PLEKHA6: variants seen among roughly 807,000 people sequenced by gnomAD.
PLEKHA6 encodes pleckstrin homology domain-containing family A member 6.
A neutral mutation model predicts 116.7 loss-of-function variants in PLEKHA6; 60 were observed. The ratio of observed to expected loss-of-function variants is 0.51; its 90% CI spans 0.42 to 0.64. PLEKHA6 has a LOEUF of 0.64. Among genes scored for constraint, PLEKHA6 ranks in the 30% least tolerant of loss-of-function variants. The pLI is 0.00. For synonymous variants in PLEKHA6, 489 were observed against 556.1 expected (o/e 0.88, Z 1.70); for missense variants, 1,338 against 1,422.7 (o/e 0.94, Z 0.96).
At chr1:204,311,775 G>T in intron 1 of PLEKHA6, 1 of 581,646 alleles carries the variant, frequency 1.7e-6, no homozygotes, top group Non-Finnish European at 2.2e-6. Flanking sequence ...ACACTCTAAA[G>T]GGAATCATTT....
intron 1 of PLEKHA6, among the ~76,000 whole-genome samples, chr1:204,314,271 C>A (rs1671769338): frequency 1.3e-5 from 2 of 152,172 alleles, no homozygotes; most frequent in Admixed American, 6.5e-5. Context: ...GTCTCAGAGT[C>A]CTGTTGTCTG....
intron 1 of PLEKHA6, among the ~76,000 whole-genome samples, chr1:204,279,915 T>C (rs1000368302): frequency 6.6e-6 from 1 of 152,204 alleles, no homozygotes; most frequent in Non-Finnish European, 1.5e-5. Context: ...ACTTGCAAGA[T>C]ATAGACCATT....
intron 5 of PLEKHA6, among the ~76,000 whole-genome samples, chr1:204,266,218 G>A (rs963247465): frequency 6.6e-6 from 1 of 152,150 alleles, no homozygotes; most frequent in Non-Finnish European, 1.5e-5. Context: ...GAGGCACTTG[G>A]GGTTGGACCC....
chr1:204,357,468 CTT>C (rs924623415), intron 1 of PLEKHA6, among the ~76,000 whole-genome samples: 1 of 152,186 alleles, frequency 6.6e-6, no homozygotes, highest in Non-Finnish European at 1.5e-5. Flanking sequence ...AAAATATAGT[CTT>C]TTTTTCCTCT....
At chr1:204,346,808 G>C (rs1259469220) in intron 1 of PLEKHA6, 2 of 1,239,846 alleles carry the variant, frequency 1.6e-6, no homozygotes, top group Non-Finnish European at 2.4e-6. Context: ...ATAGGTTCCA[G>C]CAGCTCAGGC....
At chr1:204,377,005 G>A (rs1190894986) in intron 1 of PLEKHA6, among the ~76,000 whole-genome samples, 4 of 152,156 alleles carry the variant, frequency 2.6e-5, no homozygotes, top group Non-Finnish European at 5.9e-5. Flanking sequence ...AGTAGCAAAG[G>A]CGCGCTCTCT....
chr1:204,331,740 G>T (rs1397912673), intron 1 of PLEKHA6, among the ~76,000 whole-genome samples: 1 of 152,214 alleles, frequency 6.6e-6, no homozygotes, highest in Admixed American at 6.5e-5. Context: ...ACTGTAAGGA[G>T]TGAGGGAAGA....
chr1:204,259,506 G>T lies in PLEKHA6; in HGVS notation c.759C>A (p.Tyr253Ter). The T allele has an allele frequency of 6.2e-7, 1 of 1,614,134 alleles. No homozygotes were observed. Among genetic ancestry groups the T allele is most frequent in the Non-Finnish European group, 8.5e-7 (1 of 1,179,984 alleles). The change falls in exon 8 of 23, where the codon TAC becomes TAA. Residue 253 changes from tyrosine (Y) to a stop codon, truncating the protein, a stop_gained. Transcript: ENST00000272203. LOFTEE classifies it high-confidence loss of function. The surrounding 1 kb of genome is among the most constrained non-coding windows in gnomAD (Gnocchi z 4.6). ...CCCCTGGCACTCTTGGGCCCTCGGG[G>T]TAAGGGCTGCCCGGCTCTGAGGCTG... The part of the protein sequence containing the change: ...PEPASEPGSP[Y>*]PEGPRVPGGG...
chr1:204,241,936 G>A (rs1301299967), intron 15 of PLEKHA6, 122 bp from the exon 16 acceptor site: 1 of 1,087,162 alleles, frequency 9.2e-7, no homozygotes, highest in African/African-American at 1.5e-5. Flanking sequence ...AAGGAACAAG[G>A]AAATTCTATG....
intron 6 of PLEKHA6, among the ~76,000 whole-genome samples, chr1:204,263,570 G>A (rs182149210): frequency 1.8e-4 from 27 of 152,256 alleles, no homozygotes; most frequent in Middle Eastern, 3.4e-3. Context: ...GGAAGGAGGC[G>A]AGGGGCTGGT....
At chr1:204,247,515 C>T (rs1281850719) in intron 12 of PLEKHA6, 55 bp from the exon 13 acceptor site, 2 of 1,178,500 alleles carry the variant, frequency 1.7e-6, no homozygotes, top group South Asian at 1.2e-5. Flanking sequence ...GGCATTCCTC[C>T]TTATCCTGCA....
intron 1 of PLEKHA6, among the ~76,000 whole-genome samples, chr1:204,282,138 C>T (rs1226118997): frequency 6.6e-6 from 1 of 152,102 alleles, no homozygotes; most frequent in Non-Finnish European, 1.5e-5. Context: ...TCCCTTATTC[C>T]TATGAGAGGA....
intron 1 of PLEKHA6, among the ~76,000 whole-genome samples, chr1:204,376,131 C>T (rs1313431291): frequency 6.6e-6 from 1 of 152,162 alleles, no homozygotes; most frequent in Non-Finnish European, 1.5e-5. Context: ...TCTCCAGTGC[C>T]TAGCACTGCA....
At position 204,261,304 on chromosome 1, in the gene PLEKHA6, A is replaced by C; in HGVS notation, c.524+2T>G. 1 of 1,613,736 alleles carries C rather than the reference A, an allele frequency of 6.2e-7. No homozygotes were observed. The highest frequency in any genetic ancestry group is 8.5e-7 in the Non-Finnish European group (1 of 1,179,874). On this transcript the variant is annotated splice_donor_variant, in intron 7 of 22. Transcript: ENST00000272203. LOFTEE classifies it high-confidence loss of function. The surrounding 1 kb of genome is among the most constrained non-coding windows in gnomAD (Gnocchi z 4.0). Reference sequence around the variant, plus strand: ...CCCCACACTCAATTCCCTGGCACTCACCTGTGCCGCACAGCTTGGGGCACT... The same window carrying C: ...CCCCACACTCAATTCCCTGGCACTCCCCTGTGCCGCACAGCTTGGGGCACT...
rs556814544 is a variant in PLEKHA6, at chr1:204,259,433, T to A, written c.832A>T (p.Ser278Cys). The A allele has an allele frequency of 6.2e-7, 1 of 1,614,240 alleles. No homozygotes were observed. The highest frequency in any genetic ancestry group is 2.2e-5 in the East Asian group (1 of 44,886). The change falls in exon 8 of 23, where the codon AGC becomes TGC. Residue 278 changes from serine (S) to cysteine (C), a missense_variant. By Grantham distance (112) the Ser-to-Cys change is moderately radical. Around this residue, in one of 3 missense-constraint regions of PLEKHA6, gnomAD observed 1,136 missense variants for 1,163.6 expected, o/e 0.98. Transcript: ENST00000272203. The surrounding 1 kb of genome is among the most constrained non-coding windows in gnomAD (Gnocchi z 4.6). The stretch of plus-strand genomic sequence containing the variant: ...GGGAAAGCTGTGCTCCCTGGCCGGC[T>A]TGGGGAGTGGTACTGCCAGCCATTG... ...QPNGWQYHSP[S>C]RPGSTAFPSQ...
chr1:204,258,819 T>TA (rs1297778706), intron 8 of PLEKHA6, among the ~76,000 whole-genome samples: 3 of 152,202 alleles, frequency 2.0e-5, no homozygotes, highest in Non-Finnish European at 4.4e-5. Flanking sequence ...TTAAAACAAT[T>TA]AGAGTTGTTC....
At chr1:204,347,386 C>T (rs9725067) in intron 1 of PLEKHA6, 6,716 of 574,170 alleles carry the variant, frequency 0.012, 315 homozygotes, top group African/African-American at 0.11. Flanking sequence ...TCTCTTGTTC[C>T]CTAAACACTG....
chr1:204,309,693 G>C (rs1671587901), intron 1 of PLEKHA6: 1 of 913,996 alleles, frequency 1.1e-6, no homozygotes, highest in Non-Finnish European at 1.3e-6. Flanking sequence ...AGAAGGAACT[G>C]TACAAGATAT....
At position 204,244,898 on chromosome 1, in the gene PLEKHA6, G is replaced by C. The variant is rs1339278818; in HGVS notation, c.2138C>G (p.Ser713Cys). 6.4e-7 allele frequency: 1 copy of C among 1,559,250 alleles called. No individual in the cohort carries two copies. The highest frequency in any genetic ancestry group is 1.2e-5 in the South Asian group (1 of 84,896). Reference protein sequence around the residue: ...PLSPFSLVSGSQGSPTKPGSN... With the variant: ...PLSPFSLVSGCQGSPTKPGSN... ...GCCAGGCTTGGTGGGGGACCCCTGA[G>C]AGCCCGACACCAGTGAAAAGGGGCT... The change falls in exon 15 of 23, where the codon TCT becomes TGT. Residue 713 changes from serine to cysteine, a missense_variant. Transcript: ENST00000272203.
Sources: gnomAD v4.1 joint callset for allele counts (sites outside exome capture counted in the v4.1 genomes callset) on GRCh38, gnomAD v4.1.1 for gene constraint, gnomAD v4.1.1 regional missense constraint, Gnocchi (gnomAD v3.1) non-coding constraint, MANE v1.5 for transcripts, NCBI Gene and HGNC (gene_info 2026-07-23, HGNC 2026-07-21) for gene names.